Variants in ZNF423 observed in about 807,000 individuals in gnomAD.
ZNF423 encodes Ebf-associated zinc finger protein.
Under a neutral mutation model 95.8 loss-of-function variants are expected in ZNF423, and 12 were observed. That is an observed-to-expected ratio of 0.13 (90% CI 0.08 to 0.20). The LOEUF (loss-of-function observed/expected upper bound fraction) is 0.20. Ranked by LOEUF, ZNF423 falls within the 10% of genes least tolerant of loss-of-function variation. ZNF423 has a pLI of 1.00. For missense variants in ZNF423, 1,316 were observed against 1,737.1 expected (o/e 0.76, Z 4.31); for synonymous variants, 749 against 711.9 (o/e 1.05, Z -0.83).
intron 3 of ZNF423, among the ~76,000 whole-genome samples, chr16:49,651,543 T>C (rs960278790): frequency 1.3e-5 from 2 of 152,090 alleles, no homozygotes; most frequent in Non-Finnish European, 2.9e-5. Context: ...GGGCTTAGAC[T>C]CCCAGCTCCC....
At position 49,492,483 on chromosome 16, in the gene ZNF423, G is replaced by C. The variant is rs993826714; in HGVS notation, c.3850-1179C>G. Among the ~76,000 whole-genome samples the C allele has an allele frequency of 2.8e-5, 4 of 145,192 alleles. No homozygotes were observed. The highest frequency in any genetic ancestry group is 2.7e-4 in the Admixed American group (4 of 15,030). ...TCGCCCGGAGGCCGAGGCCGGGGCC[G>C]GGGCCGGGGCCGGGGCCGAGACGGG... is the stretch of plus-strand genomic sequence containing the variant. On this transcript the variant is annotated intron_variant, in intron 7 of 7. Transcript: ENST00000563137. This position sits in a 1 kb window ranked among gnomAD's most constrained non-coding sequence, Gnocchi z 4.2.
chr16:49,761,961 G>A (rs972077658), intron 2 of ZNF423, among the ~76,000 whole-genome samples: 23 of 152,134 alleles, frequency 1.5e-4, no homozygotes, highest in Non-Finnish European at 2.6e-4. Flanking sequence ...AGGACTACAG[G>A]AGCATGGCCA....
rs1440165087 is a variant in ZNF423, at chr16:49,855,152, C to T, written c.40+583G>A. On this transcript the variant is annotated intron_variant, in intron 1 of 7. Transcript: ENST00000563137. This position sits in a 1 kb window ranked among gnomAD's most constrained non-coding sequence, Gnocchi z 4.7. ...CCTGGGCAGGGGCGGGAGGGGGCGC[C>T]AGGCGGCCGGGGCGAGGGCGCGGCG... is the stretch of plus-strand genomic sequence containing the variant. Among the ~76,000 whole-genome samples the T allele has an allele frequency of 1.4e-5, 2 of 139,606 alleles. No homozygotes were observed. Among genetic ancestry groups the T allele is most frequent in the Non-Finnish European group, 3.2e-5 (2 of 61,988 alleles). The allele number at this position is 139,606 out of a possible 152,430, so 91.6% of individuals were successfully genotyped here.
chr16:49,632,034 T>C (rs1972522104), intron 4 of ZNF423, among the ~76,000 whole-genome samples: 1 of 152,160 alleles, frequency 6.6e-6, no homozygotes, highest in African/African-American at 2.4e-5. Context: ...AACCTTGATA[T>C]CTGTTTACTT....
At chr16:49,760,705 G>C (rs151211510) in intron 2 of ZNF423, among the ~76,000 whole-genome samples, 17 of 152,184 alleles carry the variant, frequency 1.1e-4, no homozygotes, top group Admixed American at 2.0e-4. Context: ...CAGAGAATGA[G>C]GGAGGGCTTC....
At chr16:49,729,657 T>C (rs943632752) in intron 3 of ZNF423, among the ~76,000 whole-genome samples, 4 of 147,236 alleles carry the variant, frequency 2.7e-5, no homozygotes, top group Admixed American at 2.0e-4. Context: ...ATTATTATTA[T>C]TATTATTATT....
intron 7 of ZNF423, among the ~76,000 whole-genome samples, chr16:49,497,583 A>T (rs2151652539): frequency 6.6e-6 from 1 of 152,246 alleles, no homozygotes; most frequent in East Asian, 1.9e-4. Flanking sequence ...CGGCCTGCAC[A>T]TCACCTCACT....
intron 3 of ZNF423, among the ~76,000 whole-genome samples, chr16:49,651,268 C>T (rs1439227823): frequency 6.6e-6 from 1 of 151,978 alleles, no homozygotes; most frequent in African/African-American, 2.4e-5. Flanking sequence ...TCAAGGGATC[C>T]TCCTGCCTCA....
chr16:49,519,640 G>A (rs2151698485), intron 7 of ZNF423, among the ~76,000 whole-genome samples: 2 of 152,238 alleles, frequency 1.3e-5, no homozygotes, highest in East Asian at 1.9e-4. Flanking sequence ...TGCTTTATTC[G>A]ATATGTGATT....
rs16947743 is a variant in ZNF423 at position 49,637,850 on chromosome 16, C to T, written c.1326G>A (p.Ala442=). 605 of 1,614,126 alleles carry T rather than the reference C, an allele frequency of 3.7e-4. 2 individuals are homozygous for T. In the African/African-American group the frequency reaches 5.6e-3, roughly 15 times the overall value. The change falls in exon 4 of 8, where the codon GCG becomes GCA. Residue 442 remains alanine (A), a synonymous_variant. Coordinates refer to ENST00000563137, the MANE Select transcript of ZNF423 (RefSeq NM_001379286.1). This position sits in a 1 kb window ranked among gnomAD's most constrained non-coding sequence, Gnocchi z 5.6. ...VLEIHLKTIH[A]DKPQQSHTCQ... ...ATGTGTGGCTCTGCTGGGGCTTGTC[C>T]GCGTGGATGGTCTTCAGGTGGATCT...
At chr16:49,661,361 T>C (rs555240674) in intron 3 of ZNF423, among the ~76,000 whole-genome samples, 1 of 152,328 alleles carries the variant, frequency 6.6e-6, no homozygotes, top group East Asian at 1.9e-4. Context: ...TGCATGTATA[T>C]GCTTGCAGGC....
At chr16:49,589,145 C>T (rs1205979613) in intron 5 of ZNF423, among the ~76,000 whole-genome samples, 1 of 152,204 alleles carries the variant, frequency 6.6e-6, no homozygotes, top group African/African-American at 2.4e-5. Flanking sequence ...GTCACTGAAA[C>T]CCCTCTTCCC....
rs115493205 is a variant in ZNF423 at position 49,492,947 on chromosome 16, G to A, written c.3850-1643C>T. ...GCTTCCCAGGGCCTGCACCCCATGGGCACCGCAGTCTGCAAATCACCCGCA... is the reference window on the plus strand; with the variant it reads ...GCTTCCCAGGGCCTGCACCCCATGGACACCGCAGTCTGCAAATCACCCGCA... On this transcript the variant is annotated intron_variant, in intron 7 of 7. Coordinates refer to ENST00000563137, the MANE Select transcript of ZNF423 (RefSeq NM_001379286.1). This position sits in a 1 kb window ranked among gnomAD's most constrained non-coding sequence, Gnocchi z 4.2. Among the ~76,000 whole-genome samples the A allele has an allele frequency of 0.015, 2,324 of 152,176 alleles. 50 individuals are homozygous for A. The highest frequency in any genetic ancestry group is 0.051 in the African/African-American group (2,117 of 41,506).
intron 3 of ZNF423, among the ~76,000 whole-genome samples, chr16:49,683,208 G>A (rs1836211088): frequency 1.3e-5 from 2 of 152,182 alleles, no homozygotes; most frequent in South Asian, 4.2e-4. Context: ...GATCAGTGGG[G>A]CATTCAACAG....
chr16:49,504,897 A>G (rs375151601), intron 7 of ZNF423, among the ~76,000 whole-genome samples: 1 of 152,148 alleles, frequency 6.6e-6, no homozygotes, highest in Non-Finnish European at 1.5e-5. Flanking sequence ...TCTTTCCCCT[A>G]TGGAAAGGCC....
chr16:49,761,170 C>T (rs76477142), intron 2 of ZNF423, among the ~76,000 whole-genome samples: 1 of 152,178 alleles, frequency 6.6e-6, no homozygotes, highest in Non-Finnish European at 1.5e-5. Context: ...CTGGGTCTCC[C>T]CAGCAATAAA....
intron 1 of ZNF423, among the ~76,000 whole-genome samples, chr16:49,838,792 G>C (rs1381311366): frequency 6.6e-6 from 1 of 151,512 alleles, no homozygotes; most frequent in Non-Finnish European, 1.5e-5. Flanking sequence ...CTTCCCAGCC[G>C]GCCCCCCGCC....
intron 5 of ZNF423, among the ~76,000 whole-genome samples, chr16:49,608,646 A>G (rs1012004436): frequency 6.6e-6 from 1 of 152,196 alleles, no homozygotes; most frequent in African/African-American, 2.4e-5. Context: ...ATCCCAGACT[A>G]GGACCTGACA....
intron 3 of ZNF423, among the ~76,000 whole-genome samples, chr16:49,708,591 T>C (rs1481379159): frequency 6.6e-6 from 1 of 152,094 alleles, no homozygotes; most frequent in African/African-American, 2.4e-5. Flanking sequence ...TGCCCTGCTC[T>C]TCCTTGCAGA....
Sources: allele counts gnomAD v4.1 joint callset (sites outside exome capture counted in the v4.1 genomes callset), GRCh38; gene constraint gnomAD v4.1.1; non-coding constraint Gnocchi (gnomAD v3.1); transcripts MANE v1.5; gene names NCBI Gene and HGNC (gene_info 2026-07-23, HGNC 2026-07-21).